The following SRPK1 variants were observed in gnomAD, a reference collection of about 807,000 sequenced individuals.
SRPK1 encodes SFRS protein kinase 1.
SRPK1 carries 52 observed loss-of-function variants against 89.5 expected under a neutral mutation model. That is an observed-to-expected ratio of 0.58 (90% CI 0.46 to 0.73). The LOEUF (loss-of-function observed/expected upper bound fraction) is 0.73, where lower values mean the gene tolerates loss of function less well. Ranked by LOEUF, SRPK1 falls within the 30% of genes least tolerant of loss-of-function variation. The pLI, the probability that SRPK1 is intolerant of heterozygous loss-of-function variation, is 0.00. For synonymous variants in SRPK1, 255 were observed against 270.2 expected, an observed-to-expected ratio of 0.94 and a Z score of 0.55; for missense variants, 603 against 780.6, an observed-to-expected ratio of 0.77 and a Z score of 2.71.
intron 2 of SRPK1, among the ~76,000 whole-genome samples, chr6:35,894,452 C>A (rs1230320261): frequency 6.6e-6 from 1 of 152,104 alleles, no homozygotes; most frequent in Non-Finnish European, 1.5e-5. Context: ...GAGACAAACA[C>A]AATCAAACCA....
intron 15 of SRPK1, 140 bp downstream of exon 15, chr6:35,838,197 C>G (rs1581986469): frequency 1.6e-6 from 1 of 629,800 alleles, no homozygotes; most frequent in Non-Finnish European, 2.5e-6. Context: ...CTTTTTTTAC[C>G]TCTTTTTTAT....
rs755365214 is a variant in SRPK1 at position 35,869,707 on chromosome 6, T to C, written c.1186A>G (p.Ser396Gly). 11 of 1,613,796 alleles carry C rather than the reference T, an allele frequency of 6.8e-6. No individual in the cohort carries two copies. The African/African-American group carries it at 1.3e-4, about 20-fold the overall frequency. ...CDVQNLNQESSFLSSQNGDSS... is the reference protein window; with the variant it reads ...CDVQNLNQESGFLSSQNGDSS... ...TCTCCATTTTGGGAGCTTAGGAAAC[T>C]AGATTCCTGATTCAAATTTTGGACA... The change falls in exon 11 of 16, where the codon AGT (serine) becomes GGT (glycine). Residue 396 changes from serine to glycine, a missense_variant. Physicochemically the swap from Ser to Gly is moderately conservative, Grantham distance 56. Coordinates refer to ENST00000373825, the MANE Select transcript of SRPK1 (RefSeq NM_003137.5).
intron 6 of SRPK1, among the ~76,000 whole-genome samples, chr6:35,883,514 T>C (rs1770341735): frequency 6.6e-6 from 1 of 152,254 alleles, no homozygotes; most frequent in Non-Finnish European, 1.5e-5. Context: ...CTTATGTTTC[T>C]AGCTTCCATC....
intron 7 of SRPK1, 79 bp from the exon 8 acceptor site, chr6:35,872,807 TAA>T (rs34797772): frequency 0.036 from 35,355 of 968,726 alleles, no homozygotes; most frequent in South Asian, 0.067. Flanking sequence ...AACATGACAT[TAA>T]AAAAAAAAAA....
intron 12 of SRPK1, among the ~76,000 whole-genome samples, chr6:35,861,007 T>C (rs1769770754): frequency 6.6e-6 from 1 of 152,138 alleles, no homozygotes; most frequent in Non-Finnish European, 1.5e-5. Flanking sequence ...TGGTATTCAT[T>C]CTGAAGGGAG....
chr6:35,874,638 G>C lies in SRPK1; in HGVS notation c.479-299C>G, dbSNP rs181571577. 2.0e-5 allele frequency among the ~76,000 whole-genome samples: 3 copies of C among 152,294 alleles called. No individual in the cohort carries two copies. The East Asian group carries it at 5.8e-4, about 29-fold the overall frequency. On this transcript the variant is annotated intron_variant, in intron 6 of 15. Coordinates refer to ENST00000373825, the MANE Select transcript of SRPK1 (RefSeq NM_003137.5). ...AAACCTACATATGCAAATAGTGAAA[G>C]AAAGCAGTAGGCTCAAGCCTCAAGC...
chr6:35,872,260 TATAA>T (rs2127247216), intron 8 of SRPK1, among the ~76,000 whole-genome samples: 1 of 152,350 alleles, frequency 6.6e-6, no homozygotes, highest in South Asian at 2.1e-4. Context: ...CTACCAGTCC[TATAA>T]ATGAGCATGT....
chr6:35,884,701 T>A (rs1003047978), intron 6 of SRPK1, among the ~76,000 whole-genome samples: 22 of 152,108 alleles, frequency 1.4e-4, no homozygotes, highest in Admixed American at 1.3e-3. Context: ...CCTAGCAATG[T>A]TTGAAAAATA....
intron 12 of SRPK1, among the ~76,000 whole-genome samples, chr6:35,861,348 A>G (rs1158067016): frequency 1.3e-5 from 2 of 152,200 alleles, no homozygotes; most frequent in East Asian, 3.9e-4. Context: ...CTGCCTAAAG[A>G]TTGGACAGAT....
chr6:35,900,971 C>T (rs6929493), intron 2 of SRPK1, among the ~76,000 whole-genome samples: 48,204 of 151,954 alleles, frequency 0.32, 7,879 homozygotes, highest in South Asian at 0.45. Context: ...CTGAGCAACA[C>T]AGTGAGATTT....
At chr6:35,857,216 A>G (rs1191167494) in intron 13 of SRPK1, 45 bp downstream of exon 13, 16 of 1,403,836 alleles carry the variant, frequency 1.1e-5, no homozygotes, top group Middle Eastern at 1.8e-4. Flanking sequence ...ACAGGGCAAG[A>G]TATGTACCAC....
chr6:35,870,019 G>T, intron 10 of SRPK1, 118 bp from the exon 11 acceptor site: 1 of 1,200,212 alleles, frequency 8.3e-7, no homozygotes, highest in South Asian at 1.7e-5. Flanking sequence ...ATAAAAACAT[G>T]ACTAAACATC....
At chr6:35,846,924 GA>G (rs1467265718) in intron 13 of SRPK1, among the ~76,000 whole-genome samples, 14 of 152,280 alleles carry the variant, frequency 9.2e-5, no homozygotes, top group African/African-American at 3.4e-4. Context: ...TTATTAGATG[GA>G]GAAAATGCAT....
chr6:35,915,971 C>T (rs1364453877), intron 2 of SRPK1, among the ~76,000 whole-genome samples: 1 of 51,730 alleles, frequency 1.9e-5, no homozygotes, highest in African/African-American at 1.3e-4. Flanking sequence ...GACTCTGTCT[C>T]AAAAACAAAA....
Position 35,841,830 on chromosome 6 carries a change from CAAAAAAA to C in SRPK1, c.1690+698_1690+704del, listed in dbSNP as rs749935901. ...CTGGCGACAGAGTGAGACTCCGTCT[CAAAAAAA>C]AAAAAAAAAAAAAAAAAAATCACAA... On this transcript the variant is annotated intron_variant, in intron 14 of 15. Coordinates refer to ENST00000373825, the MANE Select transcript of SRPK1 (RefSeq NM_003137.5). 1.4e-3 allele frequency among the ~76,000 whole-genome samples: 61 copies of C among 44,742 alleles called. No individual in the cohort carries two copies. The East Asian group carries it at 0.031, about 23-fold the overall frequency. 29.4% of individuals were successfully genotyped at this position (44,742 alleles called of 152,430 possible). A position where few individuals can be genotyped will look rare whatever the true frequency, so the allele number is the denominator to read the frequency against.
intron 2 of SRPK1, among the ~76,000 whole-genome samples, chr6:35,902,474 G>C (rs1158574009): frequency 6.6e-6 from 1 of 151,932 alleles, no homozygotes. Context: ...AAAAGACAAA[G>C]ATAAACCCAT....
At chr6:35,913,613 C>G (rs544219983) in intron 2 of SRPK1, among the ~76,000 whole-genome samples, 8 of 151,970 alleles carry the variant, frequency 5.3e-5, no homozygotes, top group Non-Finnish European at 1.2e-4. Flanking sequence ...GCCTGGACAA[C>G]ATGGTGAAAC....
chr6:35,882,988 T>C (rs1770327734), intron 6 of SRPK1, among the ~76,000 whole-genome samples: 1 of 152,162 alleles, frequency 6.6e-6, no homozygotes, highest in Non-Finnish European at 1.5e-5. Flanking sequence ...TTTGTATTTT[T>C]AGTAGAGATG....
chr6:35,908,044 C>T (rs1308413610), intron 2 of SRPK1, among the ~76,000 whole-genome samples: 4 of 152,182 alleles, frequency 2.6e-5, no homozygotes, highest in East Asian at 1.9e-4. Context: ...CCTGAGCCCT[C>T]GTTATGCTTC....
Sources: allele counts gnomAD v4.1 joint callset (sites outside exome capture counted in the v4.1 genomes callset), GRCh38; gene constraint gnomAD v4.1.1; transcripts MANE v1.5; gene names NCBI Gene and HGNC (gene_info 2026-07-23, HGNC 2026-07-21).